Variants in VWA8 observed in about 807,000 individuals in gnomAD.
VWA8 encodes the protein von Willebrand factor A domain containing 8.
VWA8 carries 221 observed loss-of-function variants against 241.5 expected under a neutral mutation model. That is an observed-to-expected ratio of 0.91 (90% confidence interval 0.82 to 1.02). The LOEUF (loss-of-function observed/expected upper bound fraction) is 1.02. Among genes scored for constraint, VWA8 ranks in the 50% least tolerant of loss-of-function variants. The pLI, the probability that VWA8 is intolerant of heterozygous loss-of-function variation, is 0.00. For synonymous variants in VWA8, 852 were observed against 827.1 expected (o/e 1.03, Z -0.52); for missense variants, 2,322 against 2,328.7 (o/e 1.00, Z 0.06).
At chr13:41,777,496 G>A (rs11842524) in intron 20 of VWA8, among the ~76,000 whole-genome samples, 32,737 of 152,040 alleles carry the variant, frequency 0.22, 3,509 homozygotes, top group Middle Eastern at 0.24. Flanking sequence ...GAATAGAGGG[G>A]TGGGCAGAGA....
intron 35 of VWA8, among the ~76,000 whole-genome samples, chr13:41,681,869 G>A (rs1381751109): frequency 1.3e-5 from 2 of 152,108 alleles, no homozygotes; most frequent in African/African-American, 2.4e-5. Context: ...TGGGGGTTGG[G>A]GGGAAGGGGT....
At position 41,578,631 on chromosome 13, in the gene VWA8, TC is replaced by T. The variant is rs142537568; in HGVS notation, c.5272-2794del. Among the ~76,000 whole-genome samples, 11 of 152,316 alleles carry T rather than the reference TC, an allele frequency of 7.2e-5. No homozygotes were observed. In the East Asian group the frequency reaches 2.1e-3, roughly 29 times the overall value. On this transcript the variant is annotated intron_variant, in intron 42 of 44. Coordinates refer to ENST00000379310, the MANE Select transcript of VWA8 (RefSeq NM_015058.2). ...TCTGGTTTCTACGATGATCGTGAAA[TC>T]CAACTTGACAGGGCCTCGAGCATGC...
At chr13:41,711,543 AT>A (rs1383992373) in intron 26 of VWA8, among the ~76,000 whole-genome samples, 4 of 152,174 alleles carry the variant, frequency 2.6e-5, no homozygotes, top group Non-Finnish European at 5.9e-5. Flanking sequence ...AATGATCGTA[AT>A]TTTGAAGATC....
intron 37 of VWA8, among the ~76,000 whole-genome samples, chr13:41,633,827 A>C (rs980571516): frequency 2.0e-5 from 3 of 152,052 alleles, no homozygotes; most frequent in Non-Finnish European, 4.4e-5. Context: ...CCTTTGTGTT[A>C]GTTCTCCATT....
chr13:41,915,629 T>C (rs534200839), intron 2 of VWA8, among the ~76,000 whole-genome samples: 1 of 152,330 alleles, frequency 6.6e-6, no homozygotes, highest in Admixed American at 6.5e-5. Context: ...GAGAAAGAGT[T>C]TCTCTCTATT....
intron 2 of VWA8, among the ~76,000 whole-genome samples, chr13:41,917,519 T>C (rs940659436): frequency 2.0e-5 from 3 of 152,234 alleles, no homozygotes; most frequent in African/African-American, 7.2e-5. Context: ...ATAATACTTA[T>C]TGAGTATGGT....
chr13:41,678,620 G>A (rs952005361), intron 35 of VWA8, among the ~76,000 whole-genome samples: 2 of 152,192 alleles, frequency 1.3e-5, no homozygotes, highest in African/African-American at 4.8e-5. Flanking sequence ...ATTAAGTTGA[G>A]CTACTGCCAT....
chr13:41,671,448 C>T (rs1316035199), intron 36 of VWA8, among the ~76,000 whole-genome samples: 1 of 152,024 alleles, frequency 6.6e-6, no homozygotes, highest in African/African-American at 2.4e-5. Context: ...CAGTATATAA[C>T]TAATTGGTAG....
At chr13:41,855,568 C>T (rs1445848511) in intron 12 of VWA8, among the ~76,000 whole-genome samples, 2 of 151,316 alleles carry the variant, frequency 1.3e-5, no homozygotes, top group Non-Finnish European at 2.9e-5. Flanking sequence ...GTGAAAGAAA[C>T]CAGATGTAAA....
chr13:41,656,508 A>G (rs939340118), intron 37 of VWA8, among the ~76,000 whole-genome samples: 3 of 152,238 alleles, frequency 2.0e-5, no homozygotes, highest in African/African-American at 7.2e-5. Context: ...GACGAATTTC[A>G]TTCAGAACCC....
At chr13:41,907,760 C>T in intron 3 of VWA8, 64 bp from the exon 4 acceptor site, 2 of 1,423,332 alleles carry the variant, frequency 1.4e-6, no homozygotes, top group Non-Finnish European at 2.0e-6. Flanking sequence ...TGATTTGGAA[C>T]TAGTTATCTG....
At position 41,961,022 on chromosome 13, in the gene VWA8, G is replaced by A; in HGVS notation, c.-7C>T. 2 of 1,360,044 alleles carry A rather than the reference G, an allele frequency of 1.5e-6. No individual in the cohort carries two copies. The highest frequency in any genetic ancestry group is 9.4e-7 in the Non-Finnish European group (1 of 1,062,952). The allele number at this position is 1,360,044 out of a possible 1,614,324, so 84.2% of individuals were successfully genotyped here. ...GTAGAAGCCGGGATTGCATGGCGCC[G>A]GGGGGGCTGTCGGGGACGGCGAGGG... On this transcript the variant is annotated 5_prime_UTR_variant, in exon 1 of 45. Coordinates refer to ENST00000379310, the MANE Select transcript of VWA8 (RefSeq NM_015058.2).
chr13:41,629,332 A>G (rs2044712348), intron 37 of VWA8, among the ~76,000 whole-genome samples: 1 of 152,156 alleles, frequency 6.6e-6, no homozygotes, highest in African/African-American at 2.4e-5. Context: ...CTGAACCTAA[A>G]ATAAAATATG....
chr13:41,825,706 G>T (rs1871146115), intron 14 of VWA8, among the ~76,000 whole-genome samples: 1 of 152,022 alleles, frequency 6.6e-6, no homozygotes, highest in African/African-American at 2.4e-5. Context: ...TAAAATAAAA[G>T]CTGAGTTTCT....
At chr13:41,607,432 G>A (rs192735864) in intron 39 of VWA8, among the ~76,000 whole-genome samples, 2 of 152,214 alleles carry the variant, frequency 1.3e-5, no homozygotes, top group East Asian at 3.9e-4. Context: ...GTTTCTGGCA[G>A]TCTCTGAAAT....
In VWA8 at chr13:41,915,381, G is replaced by T. The variant is rs115688275; in HGVS notation, c.242-3213C>A. ...ACCATACTGCTACCATTCTAGGCCT[G>T]CCAGGAGGCATTTGGAAAATGTCTG... On this transcript the variant is annotated intron_variant, in intron 2 of 44. Transcript: ENST00000379310. 1.6e-3 allele frequency among the ~76,000 whole-genome samples: 239 copies of T among 152,332 alleles called. 1 individual carries two copies. Among genetic ancestry groups the T allele is most frequent in the African/African-American group, 5.2e-3 (218 of 41,572 alleles).
At chr13:41,800,449 C>G (rs545628868) in intron 17 of VWA8, among the ~76,000 whole-genome samples, 3 of 152,158 alleles carry the variant, frequency 2.0e-5, no homozygotes, top group Admixed American at 2.0e-4. Context: ...CTATTTTGTT[C>G]ATGTATATCA....
intron 29 of VWA8, among the ~76,000 whole-genome samples, chr13:41,694,006 C>G (rs555292828): frequency 1.3e-5 from 2 of 151,532 alleles, no homozygotes; most frequent in Non-Finnish European, 3.0e-5. Flanking sequence ...AAAATAAAGT[C>G]ACAAAGCACA....
intron 37 of VWA8, among the ~76,000 whole-genome samples, chr13:41,664,625 G>C: frequency 6.6e-6 from 1 of 152,092 alleles, no homozygotes; most frequent in East Asian, 1.9e-4. Context: ...ATAGGATAGA[G>C]GAGAAAATCT....
Sources: gnomAD v4.1 joint callset for allele counts (sites outside exome capture counted in the v4.1 genomes callset) on GRCh38, gnomAD v4.1.1 for gene constraint, MANE v1.5 for transcripts, NCBI Gene and HGNC (gene_info 2026-07-23, HGNC 2026-07-21) for gene names.